Variants in MIR2052HG observed in about 807,000 individuals in gnomAD.
The protein encoded by MIR2052HG is MIR2052 host gene.
At chr8:74,619,997 C>A (rs7843161) in intron 2 of MIR2052HG, among the ~76,000 whole-genome samples, 40,382 of 152,088 alleles carry the variant, frequency 0.27, 5,970 homozygotes, top group East Asian at 0.57. Context: ...TTCCTAGATA[C>A]AATGGGGATA....
chr8:74,739,096 T>C (rs897416357), intron 4 of MIR2052HG, among the ~76,000 whole-genome samples: 2 of 152,228 alleles, frequency 1.3e-5, no homozygotes, highest in Non-Finnish European at 2.9e-5. Context: ...CATGTCTTTA[T>C]GGAAATTAGA....
intron 2 of MIR2052HG, among the ~76,000 whole-genome samples, chr8:74,658,778 C>G (rs1808832995): frequency 6.6e-6 from 1 of 152,084 alleles, no homozygotes; most frequent in African/African-American, 2.4e-5. Flanking sequence ...ATCAATTTCT[C>G]TAAGCACTTA....
At chr8:74,685,189 G>A (rs1244117154) in intron 2 of MIR2052HG, among the ~76,000 whole-genome samples, 2 of 152,056 alleles carry the variant, frequency 1.3e-5, no homozygotes, top group Non-Finnish European at 1.5e-5. Flanking sequence ...CTAAAGAGCA[G>A]TTTAGACATT....
intron 1 of MIR2052HG, chr8:74,603,701 G>T: frequency 2.1e-6 from 2 of 945,124 alleles, no homozygotes; most frequent in Non-Finnish European, 3.5e-6. Flanking sequence ...GAGCTGGAAG[G>T]CTTGAGCTGG....
intron 5 of MIR2052HG, chr8:74,757,686 T>C (rs181259872): frequency 1.3e-5 from 2 of 152,274 alleles, no homozygotes; most frequent in Admixed American, 6.5e-5. Context: ...TATTGTAAGA[T>C]TGTTACAGTA....
At chr8:74,680,508 A>G (rs1415700995) in intron 2 of MIR2052HG, among the ~76,000 whole-genome samples, 2 of 152,180 alleles carry the variant, frequency 1.3e-5, no homozygotes, top group Non-Finnish European at 2.9e-5. Context: ...CAAAACCACA[A>G]TGAGACACCA....
chr8:74,733,132 C>T (rs1333718570), intron 4 of MIR2052HG, among the ~76,000 whole-genome samples: 1 of 151,490 alleles, frequency 6.6e-6, no homozygotes, highest in African/African-American at 2.4e-5. Flanking sequence ...GCACAATGTG[C>T]AGGTTAGTTA....
chr8:74,607,270 G>T (rs995636093), intron 1 of MIR2052HG, among the ~76,000 whole-genome samples: 1 of 152,040 alleles, frequency 6.6e-6, no homozygotes, highest in Non-Finnish European at 1.5e-5. Context: ...AGTTTTTTAG[G>T]GGAAAATGAT....
chr8:74,634,599 A>G (rs1808558222), intron 2 of MIR2052HG, among the ~76,000 whole-genome samples: 1 of 152,184 alleles, frequency 6.6e-6, no homozygotes, highest in South Asian at 2.1e-4. Context: ...TCTTGGGATG[A>G]GTCCCCTTGG....
chr8:74,731,848 T>A lies in MIR2052HG; in HGVS notation n.372-20593T>A, dbSNP rs116080579. Among the ~76,000 whole-genome samples the A allele has an allele frequency of 3.6e-3, 549 of 152,266 alleles. 3 individuals carry two copies. The highest frequency in any genetic ancestry group is 0.013 in the African/African-American group (530 of 41,556). On this transcript the variant is annotated intron_variant and non_coding_transcript_variant, in intron 4 of 6. Coordinates refer to ENST00000523442, the Ensembl canonical transcript of MIR2052HG. ...ACTCTGGGCATACTCCACATTCTAT[T>A]GCCTTTCAGAAGCATATGGGCCAAT...
chr8:74,630,607 T>C (rs1808497028), intron 2 of MIR2052HG, among the ~76,000 whole-genome samples: 2 of 151,232 alleles, frequency 1.3e-5, no homozygotes, highest in South Asian at 4.2e-4. Flanking sequence ...GATAGATAGC[T>C]AGCAAAAAAC....
chr8:74,703,141 C>A (rs1450490018), intron 3 of MIR2052HG, among the ~76,000 whole-genome samples: 2 of 151,970 alleles, frequency 1.3e-5, no homozygotes, highest in African/African-American at 4.8e-5. Flanking sequence ...GATAGGTAAT[C>A]AGAAGGGCCT....
chr8:74,654,061 C>T (rs1355181104), intron 2 of MIR2052HG, among the ~76,000 whole-genome samples: 2 of 152,160 alleles, frequency 1.3e-5, no homozygotes, highest in Admixed American at 1.3e-4. Flanking sequence ...AAATTGTAGA[C>T]ACCCCTACCT....
At chr8:74,662,409 C>T (rs1054665526) in intron 2 of MIR2052HG, among the ~76,000 whole-genome samples, 3 of 144,820 alleles carry the variant, frequency 2.1e-5, no homozygotes, top group Non-Finnish European at 4.5e-5. Context: ...CACAGGGAGG[C>T]GAACATCACA....
intron 2 of MIR2052HG, among the ~76,000 whole-genome samples, chr8:74,680,804 G>A (rs961147424): frequency 6.6e-6 from 1 of 151,560 alleles, no homozygotes; most frequent in Non-Finnish European, 1.5e-5. Context: ...CAAAGACTTG[G>A]AACCAACCCA....
chr8:74,694,214 G>A (rs764561995), intron 2 of MIR2052HG, among the ~76,000 whole-genome samples: 42 of 152,278 alleles, frequency 2.8e-4, no homozygotes, highest in South Asian at 4.1e-4. Context: ...AGTACCAGCC[G>A]AGAGCCTGGT....
At chr8:74,739,915 C>G (rs1051167280) in intron 4 of MIR2052HG, among the ~76,000 whole-genome samples, 7 of 152,118 alleles carry the variant, frequency 4.6e-5, no homozygotes, top group African/African-American at 1.7e-4. Flanking sequence ...AGCAGGTTGG[C>G]AGATGGCTAT....
intron 2 of MIR2052HG, among the ~76,000 whole-genome samples, chr8:74,654,155 C>T (rs1369408713): frequency 6.6e-6 from 1 of 151,994 alleles, no homozygotes; most frequent in East Asian, 1.9e-4. Context: ...TAGAGATATG[C>T]TTTTTTCTTC....
intron 2 of MIR2052HG, chr8:74,615,074 A>G (rs1563513012): frequency 6.6e-6 from 1 of 152,126 alleles, no homozygotes; most frequent in Non-Finnish European, 1.5e-5. Flanking sequence ...CTTCCTCCTT[A>G]GAACAGCTGC....
Sources: allele counts gnomAD v4.1 joint callset (sites outside exome capture counted in the v4.1 genomes callset), GRCh38; gene constraint gnomAD v4.1.1; transcripts MANE v1.5; gene names NCBI Gene and HGNC (gene_info 2026-07-23, HGNC 2026-07-21).